Variants in ABCE1 observed in about 807,000 individuals in gnomAD.
ABCE1 encodes ATP-binding cassette sub-family E member 1.
A neutral mutation model predicts 83.4 loss-of-function variants in ABCE1; 22 were observed. That is an observed-to-expected ratio of 0.26 (90% CI 0.19 to 0.38). The LOEUF is 0.38. Among genes scored for constraint, ABCE1 ranks in the 10% least tolerant of loss-of-function variants. The probability of loss-of-function intolerance (pLI) is 1.00; values close to 1 mark genes in which losing one functional copy is unlikely to be tolerated. For synonymous variants in ABCE1, 204 were observed against 233.7 expected, an observed-to-expected ratio of 0.87 and a Z score of 1.16; for missense variants, 330 against 721.9, an observed-to-expected ratio of 0.46 and a Z score of 6.22.
In ABCE1 at chr4:145,119,783, A is replaced by G; in HGVS notation, c.923-149A>G. ...ATTTAAACTTACATTAAATATATAT[A>G]GTTTTTTAAGTTACTTCTTTATATG... On this transcript the variant is annotated intron_variant, in intron 10 of 17. Coordinates refer to ENST00000296577, the MANE Select transcript of ABCE1 (RefSeq NM_002940.3). 1.2e-5 allele frequency: 7 copies of G among 588,448 alleles called. No individual in the cohort carries two copies. The South Asian group carries it at 1.5e-4, about 13-fold the overall frequency. 36.5% of individuals were successfully genotyped at this position (588,448 alleles called of 1,614,324 possible). A position where few individuals can be genotyped will look rare whatever the true frequency, so the allele number is the denominator to read the frequency against.
rs979692863 is a variant in ABCE1 at position 145,123,142 on chromosome 4, A to G, written c.1374+11A>G. 1 of 1,580,118 alleles carries G rather than the reference A, an allele frequency of 6.3e-7. No individual in the cohort carries two copies. Among genetic ancestry groups the G allele is most frequent in the Non-Finnish European group, 8.5e-7 (1 of 1,169,638 alleles). On this transcript the variant is annotated intron_variant, in intron 14 of 17. Coordinates refer to ENST00000296577, the MANE Select transcript of ABCE1 (RefSeq NM_002940.3). ...ATCATTGATCAAGAGGTACTTTAAC[A>G]TAATTTTTTTTATTTTTTTATTATT...
At chr4:145,121,488 A>T (rs1749743348) in intron 13 of ABCE1, 97 bp downstream of exon 13, 1 of 880,662 alleles carries the variant, frequency 1.1e-6, no homozygotes, top group Non-Finnish European at 1.8e-6. Flanking sequence ...TCCAAATTAG[A>T]TTCTATACAG....
intron 17 of ABCE1, among the ~76,000 whole-genome samples, chr4:145,126,058 C>T (rs983934050): frequency 6.6e-6 from 1 of 151,890 alleles, no homozygotes; most frequent in Non-Finnish European, 1.5e-5. Context: ...GCCCCCGCAA[C>T]CCCCGCAAAA....
intron 16 of ABCE1, chr4:145,123,931 T>C (rs1560965926): frequency 5.8e-6 from 1 of 170,960 alleles, no homozygotes; most frequent in African/African-American, 2.4e-5. Context: ...TCATACATGA[T>C]AGAAAAAGAA....
chr4:145,118,414 T>C (rs1749660035), intron 10 of ABCE1, among the ~76,000 whole-genome samples: 2 of 151,750 alleles, frequency 1.3e-5, no homozygotes, highest in African/African-American at 4.8e-5. Flanking sequence ...AAGAAATGGT[T>C]GTAACTTACC....
chr4:145,112,654 C>T (rs188191313), intron 9 of ABCE1, among the ~76,000 whole-genome samples: 12 of 152,256 alleles, frequency 7.9e-5, no homozygotes, highest in Admixed American at 5.2e-4. Context: ...AACACACGCA[C>T]GCACACGCTT....
chr4:145,106,392 C>G (rs1472194924), intron 3 of ABCE1, among the ~76,000 whole-genome samples: 2 of 151,878 alleles, frequency 1.3e-5, no homozygotes, highest in Non-Finnish European at 2.9e-5. Context: ...TCATGGATAC[C>G]TGAAACATTT....
At chr4:145,109,733 A>C (rs775873832) in intron 5 of ABCE1, among the ~76,000 whole-genome samples, 1 of 152,212 alleles carries the variant, frequency 6.6e-6, no homozygotes, top group Non-Finnish European at 1.5e-5. Flanking sequence ...AATAAATCAT[A>C]AGTGTATTTT....
chr4:145,102,626 G>A (rs775652598), intron 1 of ABCE1, among the ~76,000 whole-genome samples: 14 of 151,948 alleles, frequency 9.2e-5, no homozygotes, highest in Admixed American at 3.3e-4. Flanking sequence ...GTGAAGAGTC[G>A]AATTTAACCA....
chr4:145,101,788 C>T (rs911082532), intron 1 of ABCE1, among the ~76,000 whole-genome samples: 10 of 152,128 alleles, frequency 6.6e-5, no homozygotes, highest in Non-Finnish European at 1.3e-4. Context: ...GGCAAGACTG[C>T]TGAAATTTTG....
intron 1 of ABCE1, among the ~76,000 whole-genome samples, chr4:145,100,699 T>C (rs1749125825): frequency 6.6e-6 from 1 of 152,240 alleles, no homozygotes; most frequent in South Asian, 2.1e-4. Flanking sequence ...ACCTGTTTAT[T>C]GGAATAACCC....
intron 1 of ABCE1, among the ~76,000 whole-genome samples, chr4:145,103,190 T>C (rs1376160435): frequency 6.6e-5 from 10 of 152,116 alleles, no homozygotes; most frequent in Admixed American, 2.6e-4. Context: ...CCAAGCCTAA[T>C]GATATTGATG....
chr4:145,115,140 T>G (rs1482706474), intron 9 of ABCE1, among the ~76,000 whole-genome samples: 2 of 151,930 alleles, frequency 1.3e-5, no homozygotes, highest in African/African-American at 2.4e-5. Flanking sequence ...ATGCTCCAGA[T>G]TTTTATTTCT....
At chr4:145,104,294 A>G (rs1749237999) in intron 1 of ABCE1, 92 bp from the exon 2 acceptor site, 2 of 485,806 alleles carry the variant, frequency 4.1e-6, no homozygotes. Context: ...TTTCATCTCC[A>G]TATAATGATC....
intron 10 of ABCE1, among the ~76,000 whole-genome samples, chr4:145,118,631 T>C (rs1054597414): frequency 6.6e-6 from 1 of 151,850 alleles, no homozygotes; most frequent in African/African-American, 2.4e-5. Flanking sequence ...TCGGCAGTCA[T>C]TCTTCACAAC....
intron 3 of ABCE1, 37 bp downstream of exon 3, chr4:145,105,727 C>T (rs1046365983): frequency 1.4e-6 from 2 of 1,443,266 alleles, no homozygotes; most frequent in African/African-American, 2.9e-5. Context: ...AAACGTGTAA[C>T]CTAAAACTGA....
chr4:145,112,764 C>T (rs1749516241), intron 9 of ABCE1, among the ~76,000 whole-genome samples: 2 of 152,120 alleles, frequency 1.3e-5, no homozygotes, highest in Non-Finnish European at 2.9e-5. Flanking sequence ...TCAAAATACG[C>T]TGTGTTTATA....
At chr4:145,104,672 T>C (rs2126699777) in intron 2 of ABCE1, among the ~76,000 whole-genome samples, 157 bp downstream of exon 2, 1 of 152,286 alleles carries the variant, frequency 6.6e-6, no homozygotes, top group African/African-American at 2.4e-5. Context: ...AAATTTCTTT[T>C]ATTGCTTTGT....
At chr4:145,117,912 A>G (rs1163031639) in intron 10 of ABCE1, among the ~76,000 whole-genome samples, 2 of 151,768 alleles carry the variant, frequency 1.3e-5, no homozygotes, top group Non-Finnish European at 3.0e-5. Flanking sequence ...TTGTACTTCC[A>G]AGAAAATGAG....
Sources: allele counts gnomAD v4.1 joint callset (sites outside exome capture counted in the v4.1 genomes callset), GRCh38; gene constraint gnomAD v4.1.1; transcripts MANE v1.5; gene names NCBI Gene and HGNC (gene_info 2026-07-23, HGNC 2026-07-21).